Variants in HIBCH observed in about 807,000 individuals in gnomAD.
The protein encoded by HIBCH is 3-hydroxyisobutyryl-CoA hydrolase, also known as 3-hydroxyisobutyryl-CoA hydrolase, mitochondrial.
In HIBCH, 50 loss-of-function variants were observed where a neutral mutation model predicts 58.2. The observed-to-expected ratio is 0.86, with a 90% CI of 0.68 to 1.09. The LOEUF (loss-of-function observed/expected upper bound fraction) is 1.09. HIBCH is among the 50% of genes least tolerant of loss of function. The probability of loss-of-function intolerance (pLI) is 0.00; values close to 1 mark genes in which losing one functional copy is unlikely to be tolerated. For missense variants in HIBCH, 450 were observed against 449.7 expected, an observed-to-expected ratio of 1.00 and a Z score of -0.01; for synonymous variants, 151 against 146.9, an observed-to-expected ratio of 1.03 and a Z score of -0.20.
At position 190,319,814 on chromosome 2, in the gene HIBCH, G is replaced by A. The variant is rs1414241637; in HGVS notation, c.-64C>T. On this transcript the variant is annotated 5_prime_UTR_variant, in exon 1 of 14. It adds an upstream start codon to the 5' untranslated region. Coordinates refer to ENST00000359678, the MANE Select transcript of HIBCH (RefSeq NM_014362.4). The stretch of plus-strand genomic sequence containing the variant: ...CTCCCGGACCGTTCCAGCGCCTCGC[G>A]TGAGCCCCGCCCACCGCCGTCCTGC... 1.1e-5 allele frequency: 18 copies of A among 1,575,986 alleles called. No individual in the cohort carries two copies. Among genetic ancestry groups the A allele is most frequent in the African/African-American group, 2.7e-5 (2 of 74,218 alleles).
intron 2 of HIBCH, among the ~76,000 whole-genome samples, chr2:190,303,040 T>G (rs1436611556): frequency 1.3e-5 from 2 of 151,938 alleles, no homozygotes; most frequent in African/African-American, 2.4e-5. Context: ...CTGTCAGGAG[T>G]AGAGTTACAG....
intron 9 of HIBCH, among the ~76,000 whole-genome samples, chr2:190,247,392 T>C (rs1204654775): frequency 6.6e-6 from 1 of 152,222 alleles, no homozygotes; most frequent in Admixed American, 6.5e-5. Context: ...AACAGGAGAC[T>C]ATCAAATGCT....
At chr2:190,199,557 A>T (rs1361414706), downstream of HIBCH, 3 of 299,904 alleles carry the variant, frequency 1.0e-5, no homozygotes, top group Non-Finnish European at 1.7e-5. Flanking sequence ...TTTTTCTTCT[A>T]CTGATAAGAT....
chr2:190,289,210 TTAG>T (rs1468664423), intron 5 of HIBCH, among the ~76,000 whole-genome samples: 7 of 152,038 alleles, frequency 4.6e-5, no homozygotes, highest in East Asian at 3.8e-4. Flanking sequence ...TTTTCATCAC[TTAG>T]TAATTATTTT....
At chr2:190,295,165 C>T (rs291451) in intron 3 of HIBCH, among the ~76,000 whole-genome samples, 109,083 of 152,042 alleles carry the variant, frequency 0.72, 39,682 homozygotes, top group Non-Finnish European at 0.75. Context: ...AATCAAGAGC[C>T]GATGAAAATG....
intron 8 of HIBCH, 50 bp downstream of exon 8, chr2:190,252,112 T>C (rs779075025): frequency 6.3e-7 from 1 of 1,581,108 alleles, no homozygotes; most frequent in Non-Finnish European, 8.7e-7. Context: ...CCATGCACTA[T>C]TTTGTGTTGT....
chr2:190,311,647 G>A (rs1435715193), intron 1 of HIBCH, among the ~76,000 whole-genome samples: 3 of 152,098 alleles, frequency 2.0e-5, no homozygotes, highest in African/African-American at 7.2e-5. Context: ...TATGACCAAA[G>A]TCTGATTGAT....
At chr2:190,232,872 G>A (rs562169074) in intron 11 of HIBCH, among the ~76,000 whole-genome samples, 37 of 152,110 alleles carry the variant, frequency 2.4e-4, no homozygotes, top group African/African-American at 8.9e-4. Context: ...GCAGGAGAAT[G>A]GCGTGAACCC....
chr2:190,217,603 A>C lies in HIBCH; in HGVS notation c.892-4528T>G, dbSNP rs928464076. 6.6e-6 allele frequency among the ~76,000 whole-genome samples: 1 copy of C among 152,210 alleles called. No individual in the cohort carries two copies. The highest frequency in any genetic ancestry group is 2.4e-5 in the African/African-American group (1 of 41,454). On this transcript the variant is annotated intron_variant, in intron 11 of 13. Transcript: ENST00000359678. The surrounding 1 kb of genome is among the most constrained non-coding windows in gnomAD (Gnocchi z 4.6). The stretch of plus-strand genomic sequence containing the variant: ...ATTTTTTAAAAATTATACACTGGGC[A>C]TATCCTCTACCCTGTCATCCCTTAG...
rs190122095 is a variant in HIBCH, at chr2:190,244,686, G to A, written c.891+201C>T. Among the ~76,000 whole-genome samples, 300 of 152,238 alleles carry A rather than the reference G, an allele frequency of 2.0e-3. 2 individuals are homozygous for A. The highest frequency in any genetic ancestry group is 6.2e-3 in the African/African-American group (257 of 41,542). ...AAACTAGATTGGCTTTGCCCTCAAC[G>A]ACCAGCAGGTAGACACGGCACTTGG... On this transcript the variant is annotated intron_variant, in intron 11 of 13. Transcript: ENST00000359678.
downstream of HIBCH, chr2:190,199,796 G>GT: frequency 6.4e-7 from 1 of 1,571,080 alleles, no homozygotes; most frequent in Non-Finnish European, 8.6e-7. Flanking sequence ...AAATTTCATT[G>GT]TTTTCTAAAG....
chr2:190,310,716 A>G lies in HIBCH; in HGVS notation c.78+38T>C, dbSNP rs112505792. ...CTAACAATGACATTTTAAGTTACAC[A>G]TACAAATAATGCCAGCAAAACAAAC... On this transcript the variant is annotated intron_variant, in intron 2 of 13. Transcript: ENST00000359678. 167 of 1,524,214 alleles carry G rather than the reference A, an allele frequency of 1.1e-4. 1 individual carries two copies. The South Asian group carries it at 1.7e-3, about 15-fold the overall frequency. The allele number at this position is 1,524,214 out of a possible 1,614,324, so 94.4% of individuals were successfully genotyped here. A position where few individuals can be genotyped will look rare whatever the true frequency, so the allele number is the denominator to read the frequency against.
intron 1 of HIBCH, among the ~76,000 whole-genome samples, chr2:190,194,354 G>A (rs1029066120): frequency 3.9e-5 from 6 of 152,092 alleles, no homozygotes; most frequent in Admixed American, 2.6e-4. Context: ...TTTAAGTTGT[G>A]TATCTTTTAT....
intron 5 of HIBCH, among the ~76,000 whole-genome samples, chr2:190,290,007 T>C (rs1305000863): frequency 6.6e-6 from 1 of 152,170 alleles, no homozygotes; most frequent in Non-Finnish European, 1.5e-5. Context: ...GCCTCCCGAG[T>C]AGCTGGGATT....
rs944722810 is a variant in HIBCH at position 190,314,531 on chromosome 2, C to A, written c.36-3735G>T. ...TCTTGCTGTGTCACCCAGGCTGCAG[C>A]GCAGTGGCACGATCTCAGCTCACTG... is the stretch of plus-strand genomic sequence containing the variant. On this transcript the variant is annotated intron_variant, in intron 1 of 13. Transcript: ENST00000359678. 1.1e-4 allele frequency among the ~76,000 whole-genome samples: 17 copies of A among 151,910 alleles called. No homozygotes were observed. In the East Asian group the frequency reaches 1.9e-3, roughly 17 times the overall value.
At chr2:190,250,905 C>T (rs1251541796) in intron 8 of HIBCH, among the ~76,000 whole-genome samples, 1 of 152,106 alleles carries the variant, frequency 6.6e-6, no homozygotes, top group African/African-American at 2.4e-5. Context: ...TTATGCTATC[C>T]AGCTGTTTTA....
At position 190,315,527 on chromosome 2, in the gene HIBCH, C is replaced by G. The variant is rs992104857; in HGVS notation, c.35+4189G>C. ...TGTCTTAGATGAGAACTTTATCACTCAGGAACTTTTTGCAATTATCCAATA... is the reference window on the plus strand; with the variant it reads ...TGTCTTAGATGAGAACTTTATCACTGAGGAACTTTTTGCAATTATCCAATA... On this transcript the variant is annotated intron_variant, in intron 1 of 13. Transcript: ENST00000359678. This position sits in a 1 kb window ranked among gnomAD's most constrained non-coding sequence, Gnocchi z 5.4. Among the ~76,000 whole-genome samples the G allele has an allele frequency of 9.9e-5, 15 of 152,216 alleles. No homozygotes were observed. Among genetic ancestry groups the G allele is most frequent in the African/African-American group, 3.4e-4 (14 of 41,450 alleles).
chr2:190,239,652 T>TTTTTTTGTTTTTTTTG (rs954427221), intron 11 of HIBCH, among the ~76,000 whole-genome samples: 29 of 149,598 alleles, frequency 1.9e-4, no homozygotes, highest in African/African-American at 6.6e-4. Flanking sequence ...TTGTAGTTTT[T>TTTTTTTGTTTTTTTTG]TTTTTTTTTT....
At chr2:190,241,313 G>C (rs1386985016) in intron 11 of HIBCH, among the ~76,000 whole-genome samples, 1 of 152,104 alleles carries the variant, frequency 6.6e-6, no homozygotes, top group African/African-American at 2.4e-5. Context: ...CTTTCCATTT[G>C]CTTGGTAAAT....
Sources: allele counts gnomAD v4.1 joint callset (sites outside exome capture counted in the v4.1 genomes callset), GRCh38; gene constraint gnomAD v4.1.1; non-coding constraint Gnocchi (gnomAD v3.1); transcripts MANE v1.5; gene names NCBI Gene and HGNC (gene_info 2026-07-23, HGNC 2026-07-21).